Variants in PRKG1 observed in about 807,000 individuals in gnomAD.
The protein encoded by PRKG1 is protein kinase cGMP-dependent 1.
PRKG1 carries 35 observed loss-of-function variants against 88.1 expected under a neutral mutation model. The observed-to-expected ratio is 0.40, with a 90% CI of 0.30 to 0.53. The LOEUF is 0.53. Ranked by LOEUF, PRKG1 falls within the 20% of genes least tolerant of loss-of-function variation. The pLI is 0.59. For missense variants in PRKG1, 540 were observed against 839.8 expected, an observed-to-expected ratio of 0.64 and a Z score of 4.41; for synonymous variants, 303 against 292.5, an observed-to-expected ratio of 1.04 and a Z score of -0.37.
At chr10:51,135,410 T>C (rs1469357805) in intron 1 of PRKG1, among the ~76,000 whole-genome samples, 1 of 152,168 alleles carries the variant, frequency 6.6e-6, no homozygotes, top group Non-Finnish European at 1.5e-5. Context: ...ACTAGAATTC[T>C]GATGGGTATG....
intron 3 of PRKG1, chr10:51,468,056 T>C: frequency 2.2e-6 from 1 of 461,244 alleles, no homozygotes; most frequent in Admixed American, 3.5e-5. Flanking sequence ...CTGAAAATTA[T>C]CCTTTAATCA....
rs891340376 is a variant in PRKG1 at position 52,294,019 on chromosome 10, C to T, written c.*119C>T. The T allele has an allele frequency of 4.4e-5, 32 of 733,504 alleles. No homozygotes were observed. Among genetic ancestry groups the T allele is most frequent in the Non-Finnish European group, 6.4e-5 (28 of 439,932 alleles). 45.4% of individuals were successfully genotyped at this position (733,504 alleles called of 1,614,324 possible). ...TCGGGGTCACCATGATGCCTTTGATCGATGCTGCTCCAGTAACTACAGTGG... is the reference window on the plus strand; with the variant it reads ...TCGGGGTCACCATGATGCCTTTGATTGATGCTGCTCCAGTAACTACAGTGG... On this transcript the variant is annotated 3_prime_UTR_variant, in exon 18 of 18. Transcript: ENST00000373980.
intron 9 of PRKG1, among the ~76,000 whole-genome samples, chr10:52,201,436 T>C (rs1181732510): frequency 6.6e-6 from 1 of 152,182 alleles, no homozygotes; most frequent in Non-Finnish European, 1.5e-5. Flanking sequence ...ACTAGCACCA[T>C]GCTGTTTTGG....
At chr10:51,622,419 A>G (rs1427039887) in intron 3 of PRKG1, among the ~76,000 whole-genome samples, 2 of 152,200 alleles carry the variant, frequency 1.3e-5, no homozygotes, top group African/African-American at 2.4e-5. Flanking sequence ...TTGTATCCAC[A>G]GTGCTTTCCA....
chr10:51,523,581 G>A (rs1247057258), intron 3 of PRKG1, among the ~76,000 whole-genome samples: 1 of 152,044 alleles, frequency 6.6e-6, no homozygotes, highest in Non-Finnish European at 1.5e-5. Context: ...AAACTAGAAA[G>A]GATCATGGTG....
At chr10:51,768,501 A>G (rs1703971626) in intron 3 of PRKG1, among the ~76,000 whole-genome samples, 1 of 152,188 alleles carries the variant, frequency 6.6e-6, no homozygotes, top group South Asian at 2.1e-4. Flanking sequence ...CCACATTGCA[A>G]GTACCTAAAT....
At chr10:51,937,494 T>G (rs1256657429) in intron 5 of PRKG1, among the ~76,000 whole-genome samples, 1 of 152,024 alleles carries the variant, frequency 6.6e-6, no homozygotes, top group East Asian at 1.9e-4. Context: ...GAACTAAGTC[T>G]TTGGTTAGTC....
intron 3 of PRKG1, among the ~76,000 whole-genome samples, chr10:51,588,597 C>G (rs556427800): frequency 6.6e-6 from 1 of 152,220 alleles, no homozygotes; most frequent in East Asian, 1.9e-4. Flanking sequence ...CAGTAAAGAA[C>G]TAGAAGGTGA....
intron 4 of PRKG1, among the ~76,000 whole-genome samples, chr10:51,869,273 T>A (rs889861755): frequency 5.9e-5 from 9 of 152,190 alleles, no homozygotes; most frequent in Non-Finnish European, 1.0e-4. Context: ...TTAAATGCAT[T>A]TACCCATGTG....
intron 3 of PRKG1, among the ~76,000 whole-genome samples, chr10:51,740,522 T>A (rs900501553): frequency 6.6e-6 from 1 of 152,198 alleles, no homozygotes; most frequent in Non-Finnish European, 1.5e-5. Flanking sequence ...CACTTTAATA[T>A]CTGGATTGAT....
At chr10:51,849,745 AAAT>A (rs1324019793) in intron 4 of PRKG1, among the ~76,000 whole-genome samples, 2 of 152,160 alleles carry the variant, frequency 1.3e-5, no homozygotes, top group Non-Finnish European at 2.9e-5. Context: ...TATTTAAATG[AAAT>A]AATAATATTA....
intron 3 of PRKG1, among the ~76,000 whole-genome samples, chr10:51,546,576 CTT>C (rs1341239342): frequency 6.6e-6 from 1 of 152,020 alleles, no homozygotes. Flanking sequence ...CAAGTATAGT[CTT>C]TGATAATTTG....
intron 1 of PRKG1, among the ~76,000 whole-genome samples, chr10:50,993,166 G>A (rs1376533094): frequency 6.6e-6 from 1 of 152,164 alleles, no homozygotes; most frequent in Non-Finnish European, 1.5e-5. Context: ...GCTGAGCAGC[G>A]GTTCAGAGTT....
intron 4 of PRKG1, among the ~76,000 whole-genome samples, chr10:51,834,051 G>A (rs1369907526): frequency 6.6e-6 from 1 of 151,958 alleles, no homozygotes; most frequent in African/African-American, 2.4e-5. Context: ...TTCTTTTTAG[G>A]GCTAAATAGT....
At chr10:51,712,805 G>A (rs1301898727) in intron 3 of PRKG1, among the ~76,000 whole-genome samples, 2 of 151,498 alleles carry the variant, frequency 1.3e-5, no homozygotes, top group Non-Finnish European at 2.9e-5. Context: ...TAGCCAGGAT[G>A]GTCTCGATCT....
intron 5 of PRKG1, among the ~76,000 whole-genome samples, chr10:51,966,474 T>C (rs553370367): frequency 6.6e-6 from 1 of 152,358 alleles, no homozygotes; most frequent in Admixed American, 6.5e-5. Context: ...ATTAACACTT[T>C]TTCTTTCCGT....
chr10:51,099,373 C>A (rs1422948276), intron 1 of PRKG1, among the ~76,000 whole-genome samples: 1 of 124,894 alleles, frequency 8.0e-6, no homozygotes, highest in Admixed American at 9.0e-5. Context: ...TCCTTAGATA[C>A]CAGCATTCAA....
chr10:51,817,279 G>A (rs922591226), intron 4 of PRKG1, among the ~76,000 whole-genome samples: 1 of 151,978 alleles, frequency 6.6e-6, no homozygotes, highest in African/African-American at 2.4e-5. Flanking sequence ...CATGTGCAAT[G>A]GTGGTTTGCT....
chr10:51,021,364 A>G (rs1417652272), intron 1 of PRKG1, among the ~76,000 whole-genome samples: 1 of 152,214 alleles, frequency 6.6e-6, no homozygotes, highest in Non-Finnish European at 1.5e-5. Flanking sequence ...TTACCAAAGA[A>G]TAGCCCACCC....
Sources: gnomAD v4.1 joint callset for allele counts (sites outside exome capture counted in the v4.1 genomes callset) on GRCh38, gnomAD v4.1.1 for gene constraint, MANE v1.5 for transcripts, NCBI Gene and HGNC (gene_info 2026-07-23, HGNC 2026-07-21) for gene names.